The following XRCC4 variants were observed in gnomAD, a reference collection of about 807,000 sequenced individuals.
XRCC4 encodes the protein DNA repair protein XRCC4.
Under a neutral mutation model 39.1 loss-of-function variants are expected in XRCC4, and 28 were observed. That is an observed-to-expected ratio of 0.72 (90% CI 0.53 to 0.98). The LOEUF is 0.98. Among genes scored for constraint, XRCC4 ranks in the 50% least tolerant of loss-of-function variants. XRCC4 has a pLI of 0.00. For missense variants in XRCC4, 350 were observed against 376.4 expected (o/e 0.93, Z 0.58); for synonymous variants, 123 against 126.4 (o/e 0.97, Z 0.18).
At chr5:83,178,623 A>T (rs747716452) in intron 3 of XRCC4, among the ~76,000 whole-genome samples, 1 of 152,178 alleles carries the variant, frequency 6.6e-6, no homozygotes, top group Non-Finnish European at 1.5e-5. Flanking sequence ...ATTTCAGTGG[A>T]GAATATAGAA....
At chr5:83,363,056 C>A in the XRCC4 span, among the ~76,000 whole-genome samples, 1 of 152,284 alleles carries the variant, frequency 6.6e-6, no homozygotes, top group Non-Finnish European at 1.5e-5. Flanking sequence ...TGTAAACAGA[C>A]AATCAAGATA....
intron 3 of XRCC4, among the ~76,000 whole-genome samples, chr5:83,124,686 A>G (rs894919988): frequency 1.3e-5 from 2 of 152,234 alleles, no homozygotes; most frequent in Non-Finnish European, 2.9e-5. Context: ...TTTGGGAAAT[A>G]AAGTTTCACT....
chr5:83,334,805 A>G (rs1310173001), intron 7 of XRCC4, among the ~76,000 whole-genome samples: 1 of 152,014 alleles, frequency 6.6e-6, no homozygotes, highest in Non-Finnish European at 1.5e-5. Flanking sequence ...TGATTTATAT[A>G]CCAAAAAATA....
At chr5:83,305,615 T>C (rs1755455900) in intron 7 of XRCC4, among the ~76,000 whole-genome samples, 1 of 152,138 alleles carries the variant, frequency 6.6e-6, no homozygotes, top group Non-Finnish European at 1.5e-5. Flanking sequence ...TTAGACTGGA[T>C]TAATTTAGAT....
At chr5:83,369,413 G>A in the XRCC4 span, among the ~76,000 whole-genome samples, 11 of 151,994 alleles carry the variant, frequency 7.2e-5, no homozygotes, top group Non-Finnish European at 1.3e-4. Context: ...TCCCTCCCCC[G>A]TCTAGTAGTT....
intron 7 of XRCC4, among the ~76,000 whole-genome samples, chr5:83,261,126 A>G (rs1480399818): frequency 6.6e-6 from 1 of 151,984 alleles, no homozygotes; most frequent in Non-Finnish European, 1.5e-5. Flanking sequence ...AAAATTTTAA[A>G]TACTAGTTGT....
chr5:83,124,935 A>G (rs921465447), intron 3 of XRCC4, among the ~76,000 whole-genome samples: 2 of 152,182 alleles, frequency 1.3e-5, no homozygotes, highest in Non-Finnish European at 2.9e-5. Context: ...GTTTTCCCAA[A>G]TGGGTGTACT....
chr5:83,299,094 G>C (rs1467796634), intron 7 of XRCC4, among the ~76,000 whole-genome samples: 5 of 151,756 alleles, frequency 3.3e-5, no homozygotes. Context: ...ACATTCTCTA[G>C]AGTTTCCTTC....
chr5:83,309,458 G>C (rs913236247), intron 7 of XRCC4, among the ~76,000 whole-genome samples: 2 of 150,674 alleles, frequency 1.3e-5, no homozygotes, highest in Non-Finnish European at 3.0e-5. Context: ...AATTATATGT[G>C]GGTCTTCTAG....
At chr5:83,368,929 A>G in the XRCC4 span, among the ~76,000 whole-genome samples, 3 of 152,158 alleles carry the variant, frequency 2.0e-5, no homozygotes, top group Non-Finnish European at 2.9e-5. Flanking sequence ...CAGAAAACTC[A>G]TACTGAAAAC....
intron 7 of XRCC4, among the ~76,000 whole-genome samples, chr5:83,326,778 A>G (rs930354534): frequency 6.6e-6 from 1 of 152,066 alleles, no homozygotes. Context: ...TAGAAAATCT[A>G]AAGAAGCATA....
intron 7 of XRCC4, among the ~76,000 whole-genome samples, chr5:83,349,622 C>T (rs890910393): frequency 1.3e-5 from 2 of 152,168 alleles, no homozygotes; most frequent in Admixed American, 1.3e-4. Flanking sequence ...ATTTATCCTT[C>T]AGTCTGGTCA....
the XRCC4 span, among the ~76,000 whole-genome samples, chr5:83,359,728 G>C: frequency 6.6e-6 from 1 of 152,100 alleles, no homozygotes; most frequent in Non-Finnish European, 1.5e-5. Flanking sequence ...ATTTCCATTA[G>C]CTTCAATTAA....
intron 7 of XRCC4, among the ~76,000 whole-genome samples, chr5:83,323,792 C>T (rs1756156567): frequency 6.6e-6 from 1 of 151,882 alleles, no homozygotes; most frequent in Non-Finnish European, 1.5e-5. Context: ...AATATGTTTT[C>T]AAGGTTAATT....
intron 6 of XRCC4, among the ~76,000 whole-genome samples, chr5:83,219,759 A>G (rs140166577): frequency 6.7e-4 from 102 of 152,314 alleles, no homozygotes; most frequent in African/African-American, 2.4e-3. Context: ...GGAATGTAGT[A>G]TGTCTCATTA....
the XRCC4 span, among the ~76,000 whole-genome samples, chr5:83,366,712 C>T: frequency 3.3e-5 from 5 of 152,188 alleles, no homozygotes; most frequent in Admixed American, 6.5e-5. Context: ...TTCAGCCACA[C>T]TCATGTCATT....
chr5:83,140,606 T>C (rs186704856), intron 3 of XRCC4, among the ~76,000 whole-genome samples: 62 of 152,370 alleles, frequency 4.1e-4, no homozygotes, highest in African/African-American at 1.2e-3. Context: ...ATATTAATCA[T>C]CACAGCATGT....
At chr5:83,123,639 G>A (rs1368015145) in intron 3 of XRCC4, among the ~76,000 whole-genome samples, 3 of 151,816 alleles carry the variant, frequency 2.0e-5, no homozygotes, top group Non-Finnish European at 4.4e-5. Flanking sequence ...TTTGGGTTAA[G>A]TATTTTTTAT....
In XRCC4 at chr5:83,273,605, G is replaced by A. The variant is rs147983156; in HGVS notation, c.893+14928G>A. Reference sequence around the variant, plus strand: ...AGTTGATTTTTGTATAAGGTGTAAGGAAGGGATCTAGTTTCAGTTTTCTGC... The same window carrying A: ...AGTTGATTTTTGTATAAGGTGTAAGAAAGGGATCTAGTTTCAGTTTTCTGC... On this transcript the variant is annotated intron_variant, in intron 7 of 7. Transcript: ENST00000396027. Among the ~76,000 whole-genome samples the A allele has an allele frequency of 3.6e-3, 555 of 152,260 alleles. 12 individuals are homozygous for A. In the East Asian group the frequency reaches 0.072, roughly 20 times the overall value.
Sources: gnomAD v4.1 joint callset for allele counts (sites outside exome capture counted in the v4.1 genomes callset) on GRCh38, gnomAD v4.1.1 for gene constraint, MANE v1.5 for transcripts, NCBI Gene and HGNC (gene_info 2026-07-23, HGNC 2026-07-21) for gene names.